Variants in SEMA6D observed in about 807,000 individuals in gnomAD.
The protein encoded by SEMA6D is semaphorin-6D.
SEMA6D carries 35 observed loss-of-function variants against 106.6 expected under a neutral mutation model. That is an observed-to-expected ratio of 0.33 (90% CI 0.25 to 0.44). SEMA6D has a LOEUF of 0.44. Among genes scored for constraint, SEMA6D ranks in the 20% least tolerant of loss-of-function variants. The pLI, the probability that SEMA6D is intolerant of heterozygous loss-of-function variation, is 1.00. For synonymous variants in SEMA6D, 499 were observed against 487.7 expected (o/e 1.02, Z -0.31); for missense variants, 1,185 against 1,345.9 (o/e 0.88, Z 1.87).
At chr15:47,717,776 TGTGTGTGTGTGTGTGTGTGC>T (rs1220797067) in intron 1 of SEMA6D, 84 bp downstream of exon 1, 3 of 141,446 alleles carry the variant, frequency 2.1e-5, no homozygotes, top group Non-Finnish European at 4.4e-5. Flanking sequence ...GCTGTGTGTG[TGTGTGTGTGTGTGTGTGTGC>T]GCGCGGTGGG....
chr15:47,354,318 T>C (rs954693635), intron 1 of SEMA6D, among the ~76,000 whole-genome samples: 9 of 146,842 alleles, frequency 6.1e-5, no homozygotes, highest in South Asian at 4.3e-4. Context: ...TATATATATA[T>C]ACACACATGC....
chr15:47,374,930 C>G (rs1006139064), intron 1 of SEMA6D, among the ~76,000 whole-genome samples: 4 of 152,164 alleles, frequency 2.6e-5, no homozygotes, highest in Non-Finnish European at 4.4e-5. Context: ...TGTTGTAGAC[C>G]TGTTGCAGAG....
At chr15:47,725,411 A>T (rs774603402) in intron 1 of SEMA6D, among the ~76,000 whole-genome samples, 4 of 152,196 alleles carry the variant, frequency 2.6e-5, no homozygotes, top group Admixed American at 1.3e-4. Flanking sequence ...AAGGGAAATG[A>T]CTTGGAACGT....
At chr15:47,625,524 C>T (rs1298183178) in intron 4 of SEMA6D, among the ~76,000 whole-genome samples, 1 of 151,770 alleles carries the variant, frequency 6.6e-6, no homozygotes, top group African/African-American at 2.4e-5. Flanking sequence ...ATTGCTTGAG[C>T]TCAGGAGCTG....
intron 3 of SEMA6D, among the ~76,000 whole-genome samples, chr15:47,534,204 A>T (rs1313353273): frequency 6.6e-6 from 1 of 151,840 alleles, no homozygotes; most frequent in East Asian, 1.9e-4. Context: ...TTTTTTTTTT[A>T]AATGGAGACA....
intron 3 of SEMA6D, among the ~76,000 whole-genome samples, chr15:47,528,247 A>G (rs1451121006): frequency 1.3e-5 from 2 of 152,204 alleles, no homozygotes; most frequent in East Asian, 3.8e-4. Context: ...ATTCTTATGC[A>G]TTTTCAGTTT....
intron 1 of SEMA6D, among the ~76,000 whole-genome samples, chr15:47,298,274 A>G (rs2035882502): frequency 6.6e-6 from 1 of 151,814 alleles, no homozygotes; most frequent in African/African-American, 2.4e-5. Context: ...TGTGGTTGTC[A>G]GTGACCGACT....
intron 1 of SEMA6D, among the ~76,000 whole-genome samples, chr15:47,401,646 T>C (rs1356560731): frequency 6.6e-6 from 1 of 152,208 alleles, no homozygotes; most frequent in African/African-American, 2.4e-5. Flanking sequence ...GCTGAGGGAC[T>C]TGCAGTTCCC....
At chr15:47,652,770 T>G (rs2077718659) in intron 4 of SEMA6D, among the ~76,000 whole-genome samples, 1 of 152,172 alleles carries the variant, frequency 6.6e-6, no homozygotes, top group South Asian at 2.1e-4. Flanking sequence ...ATTGGCTCAT[T>G]GGTGTTTCTC....
chr15:47,268,675 C>T (rs1393626769), intron 1 of SEMA6D, among the ~76,000 whole-genome samples: 2 of 152,138 alleles, frequency 1.3e-5, no homozygotes, highest in African/African-American at 2.4e-5. Context: ...TTGTTCCTTT[C>T]CTTATCCCAT....
intron 1 of SEMA6D, among the ~76,000 whole-genome samples, chr15:47,220,746 C>A (rs1320382152): frequency 6.6e-6 from 1 of 152,222 alleles, no homozygotes; most frequent in Non-Finnish European, 1.5e-5. Flanking sequence ...TATTTGCAAA[C>A]TAGCGTGCTA....
At chr15:47,250,930 T>C (rs1184695202) in intron 1 of SEMA6D, among the ~76,000 whole-genome samples, 1 of 152,224 alleles carries the variant, frequency 6.6e-6, no homozygotes. Flanking sequence ...TGGTTTATAA[T>C]GTAGAAAGAT....
intron 1 of SEMA6D, among the ~76,000 whole-genome samples, chr15:47,755,616 T>C (rs1359884481): frequency 1.3e-5 from 2 of 152,078 alleles, no homozygotes; most frequent in Non-Finnish European, 2.9e-5. Flanking sequence ...ATTGGAACTT[T>C]TGTAAAACAT....
At chr15:47,524,947 C>A (rs1797240) in intron 3 of SEMA6D, among the ~76,000 whole-genome samples, 1,609 of 152,238 alleles carry the variant, frequency 0.011, 26 homozygotes, top group African/African-American at 0.037. Flanking sequence ...AAAGTGCTCA[C>A]GGACACCTGA....
intron 1 of SEMA6D, among the ~76,000 whole-genome samples, chr15:47,387,039 T>TGG (rs386382907): frequency 1.4e-4 from 22 of 151,938 alleles, no homozygotes; most frequent in Middle Eastern, 6.3e-3. Flanking sequence ...CTGCTGCGTG[T>TGG]GGCTCCATCA....
chr15:47,214,943 T>G (rs537981387), intron 1 of SEMA6D, among the ~76,000 whole-genome samples: 3 of 152,046 alleles, frequency 2.0e-5, no homozygotes, highest in South Asian at 4.1e-4. Context: ...TAGTTTGTTC[T>G]TTCTTTGCTG....
intron 3 of SEMA6D, among the ~76,000 whole-genome samples, chr15:47,591,941 A>G (rs2076447376): frequency 1.3e-5 from 2 of 152,156 alleles, no homozygotes; most frequent in African/African-American, 4.8e-5. Context: ...AAAGTGAGCT[A>G]ACTACGGTCA....
chr15:47,292,228 A>G (rs1377542104), intron 1 of SEMA6D, among the ~76,000 whole-genome samples: 3 of 152,236 alleles, frequency 2.0e-5, no homozygotes, highest in African/African-American at 7.2e-5. Flanking sequence ...AAACTAAAAG[A>G]GTATAAAAAG....
intron 1 of SEMA6D, among the ~76,000 whole-genome samples, chr15:47,226,409 C>T (rs2031669298): frequency 6.6e-6 from 1 of 152,004 alleles, no homozygotes; most frequent in African/African-American, 2.4e-5. Context: ...TTAGCCATCT[C>T]CCCGTCTAAA....
Sources: gnomAD v4.1 joint callset for allele counts (sites outside exome capture counted in the v4.1 genomes callset) on GRCh38, gnomAD v4.1.1 for gene constraint, MANE v1.5 for transcripts, NCBI Gene and HGNC (gene_info 2026-07-23, HGNC 2026-07-21) for gene names.